SLC38A9: variants seen among roughly 807,000 people sequenced by gnomAD.
SLC38A9 encodes solute carrier family 38 member 9.
In SLC38A9, 48 loss-of-function variants were observed where a neutral mutation model predicts 62.3. The observed-to-expected ratio is 0.77, with a 90% confidence interval of 0.61 to 0.98. The LOEUF is 0.98. SLC38A9 is among the 50% of genes least tolerant of loss of function. The pLI, the probability that SLC38A9 is intolerant of heterozygous loss-of-function variation, is 0.00. For missense variants in SLC38A9, 541 were observed against 679.8 expected, an observed-to-expected ratio of 0.80 and a Z score of 2.27; for synonymous variants, 204 against 227.7, an observed-to-expected ratio of 0.90 and a Z score of 0.94.
chr5:55,676,340 T>C (rs1488705856), intron 3 of SLC38A9, among the ~76,000 whole-genome samples: 1 of 152,106 alleles, frequency 6.6e-6, no homozygotes, highest in Non-Finnish European at 1.5e-5. Context: ...CATGCCCGTC[T>C]AATTAAAAAA....
At chr5:55,659,782 T>C (rs1389702789) in intron 8 of SLC38A9, among the ~76,000 whole-genome samples, 3 of 151,924 alleles carry the variant, frequency 2.0e-5, no homozygotes, top group Non-Finnish European at 4.4e-5. Flanking sequence ...TTTATTTTTT[T>C]TGAGACAGAG....
At chr5:55,627,185 T>C (rs1388006986) in intron 15 of SLC38A9, among the ~76,000 whole-genome samples, 5 of 152,162 alleles carry the variant, frequency 3.3e-5, no homozygotes, top group Non-Finnish European at 1.5e-5. Context: ...TGAGGAACAG[T>C]TCAATAGGAA....
chr5:55,632,217 T>A (rs947100709), intron 14 of SLC38A9, among the ~76,000 whole-genome samples: 5 of 152,004 alleles, frequency 3.3e-5, no homozygotes, highest in African/African-American at 1.2e-4. Flanking sequence ...GCGGGCGGAT[T>A]ACAAGGTCAG....
chr5:55,705,339 T>C (rs1357180591), intron 2 of SLC38A9, among the ~76,000 whole-genome samples: 1 of 151,992 alleles, frequency 6.6e-6, no homozygotes, highest in Non-Finnish European at 1.5e-5. Context: ...GAACTAACAT[T>C]TATTTATTGA....
intron 14 of SLC38A9, among the ~76,000 whole-genome samples, 172 bp from the exon 15 acceptor site, chr5:55,628,152 G>A (rs866283019): frequency 8.5e-5 from 13 of 152,230 alleles, no homozygotes; most frequent in African/African-American, 2.4e-4. Flanking sequence ...TTGTGGTAAC[G>A]AGAAAGTGAA....
chr5:55,654,816 A>C (rs1026505878), intron 9 of SLC38A9, among the ~76,000 whole-genome samples: 3 of 152,148 alleles, frequency 2.0e-5, no homozygotes, highest in Admixed American at 2.0e-4. Flanking sequence ...CAGGCATTCA[A>C]TAAATGTTAA....
chr5:55,644,482 G>A (rs2150124451), intron 12 of SLC38A9, among the ~76,000 whole-genome samples: 1 of 152,226 alleles, frequency 6.6e-6, no homozygotes, highest in East Asian at 1.9e-4. Context: ...CTGAAGTGCA[G>A]TGGCTATCTC....
At chr5:55,655,270 G>A (rs1748201560) in intron 9 of SLC38A9, among the ~76,000 whole-genome samples, 1 of 146,552 alleles carries the variant, frequency 6.8e-6, no homozygotes, top group Non-Finnish European at 1.5e-5. Context: ...AACTGACTTT[G>A]CTGATGGGGT....
intron 3 of SLC38A9, among the ~76,000 whole-genome samples, chr5:55,677,234 T>C (rs1285295603): frequency 6.6e-6 from 1 of 152,106 alleles, no homozygotes; most frequent in African/African-American, 2.4e-5. Context: ...AATGTGGAAA[T>C]TTACAAACAT....
chr5:55,694,697 T>C (rs1755221801), intron 3 of SLC38A9, among the ~76,000 whole-genome samples: 1 of 150,002 alleles, frequency 6.7e-6, no homozygotes, highest in African/African-American at 2.4e-5. Flanking sequence ...TTCCCTTCCC[T>C]TCCCTTCCCC....
chr5:55,626,806 T>C (rs1742522447), intron 15 of SLC38A9, 147 bp from the exon 16 acceptor site: 3 of 665,254 alleles, frequency 4.5e-6, no homozygotes, highest in Non-Finnish European at 7.0e-6. Flanking sequence ...ATAAAACATC[T>C]GGGTTTAAAA....
intron 3 of SLC38A9, 33 bp from the exon 4 acceptor site, chr5:55,672,728 T>C: frequency 6.3e-7 from 1 of 1,589,016 alleles, no homozygotes; most frequent in Non-Finnish European, 8.6e-7. Context: ...ACAAAAAGTG[T>C]TCAGCCAAAA....
At chr5:55,697,672 A>AC (rs112849272) in intron 3 of SLC38A9, among the ~76,000 whole-genome samples, 174 bp downstream of exon 3, 1 of 146,790 alleles carries the variant, frequency 6.8e-6, no homozygotes. Context: ...AAAAAAAAAA[A>AC]AAATATAAAC....
intron 7 of SLC38A9, 169 bp from the exon 8 acceptor site, chr5:55,665,032 TAAAAG>T (rs550055926): frequency 3.3e-5 from 12 of 363,378 alleles, no homozygotes; most frequent in African/African-American, 1.9e-4. Context: ...TATAGAAAAA[TAAAAG>T]AAATGTAGAT....
chr5:55,647,432 C>T (rs1372621328), intron 11 of SLC38A9, among the ~76,000 whole-genome samples: 2 of 151,838 alleles, frequency 1.3e-5, no homozygotes, highest in East Asian at 1.9e-4. Context: ...AAAGTAGAAA[C>T]GTATAAAAAG....
At chr5:55,660,585 A>C (rs10940478) in intron 8 of SLC38A9, among the ~76,000 whole-genome samples, 91,031 of 152,044 alleles carry the variant, frequency 0.6, 27,845 homozygotes, top group South Asian at 0.7. Flanking sequence ...TCAATGAATA[A>C]ATTCTATCTA....
chr5:55,665,529 A>G (rs1375947537), intron 7 of SLC38A9, among the ~76,000 whole-genome samples: 1 of 151,446 alleles, frequency 6.6e-6, no homozygotes, highest in Non-Finnish European at 1.5e-5. Flanking sequence ...CCTAGATGAC[A>G]AAGTGAGACT....
intron 2 of SLC38A9, chr5:55,702,932 A>C (rs1432490646): frequency 6.6e-6 from 1 of 152,242 alleles, no homozygotes; most frequent in Non-Finnish European, 1.5e-5. Context: ...AAAATATTAA[A>C]GTAGTACCTT....
At chr5:55,702,137 C>G (rs1756742192) in intron 2 of SLC38A9, among the ~76,000 whole-genome samples, 1 of 152,244 alleles carries the variant, frequency 6.6e-6, no homozygotes, top group South Asian at 2.1e-4. Context: ...GTATCTAACA[C>G]TCACTACCTG....
Sources: gnomAD v4.1 joint callset for allele counts (sites outside exome capture counted in the v4.1 genomes callset) on GRCh38, gnomAD v4.1.1 for gene constraint, MANE v1.5 for transcripts, NCBI Gene and HGNC (gene_info 2026-07-23, HGNC 2026-07-21) for gene names.